The following COG5 variants were observed in gnomAD, a reference collection of about 807,000 sequenced individuals.
COG5 encodes the protein component of oligomeric golgi complex 5.
In COG5, 86 loss-of-function variants were observed where a neutral mutation model predicts 110.4. That is an observed-to-expected ratio of 0.78 (90% CI 0.65 to 0.93). The LOEUF (loss-of-function observed/expected upper bound fraction) is 0.93, where lower values mean the gene tolerates loss of function less well. COG5 is among the 40% of genes least tolerant of loss of function. The pLI, the probability that COG5 is intolerant of heterozygous loss-of-function variation, is 0.00. For missense variants in COG5, 1,077 were observed against 987.0 expected (o/e 1.09, Z -1.22); for synonymous variants, 360 against 334.6 (o/e 1.08, Z -0.83).
At chr7:107,347,884 T>C (rs1309545850) in intron 10 of COG5, among the ~76,000 whole-genome samples, 2 of 152,020 alleles carry the variant, frequency 1.3e-5, no homozygotes, top group Non-Finnish European at 2.9e-5. Flanking sequence ...CCCAGGACTT[T>C]GGGAGGCTGA....
At chr7:107,342,892 A>T (rs911084169) in intron 10 of COG5, among the ~76,000 whole-genome samples, 1 of 152,180 alleles carries the variant, frequency 6.6e-6, no homozygotes, top group Non-Finnish European at 1.5e-5. Flanking sequence ...AAAATAAATC[A>T]TTCTACCAAA....
chr7:107,507,670 T>C (rs971602492), intron 6 of COG5, among the ~76,000 whole-genome samples: 17 of 152,082 alleles, frequency 1.1e-4, no homozygotes, highest in Non-Finnish European at 2.2e-4. Context: ...AAAACATTAA[T>C]TACTTCAGTA....
intron 7 of COG5, among the ~76,000 whole-genome samples, chr7:107,392,418 A>G (rs549584609): frequency 6.6e-6 from 1 of 152,272 alleles, no homozygotes; most frequent in East Asian, 1.9e-4. Flanking sequence ...AAGTATAGAG[A>G]AGTTAAGAGA....
At chr7:107,281,565 CACTTGGAAAAAGT>C (rs1228370653) in intron 13 of COG5, among the ~76,000 whole-genome samples, 166 bp from the exon 14 acceptor site, 1 of 152,118 alleles carries the variant, frequency 6.6e-6, no homozygotes, top group Non-Finnish European at 1.5e-5. Context: ...CTAATTTCAG[CACTTGGAAAAAGT>C]ACCTGGAGAT....
chr7:107,343,303 A>C (rs1811322328), intron 10 of COG5, among the ~76,000 whole-genome samples: 1 of 152,172 alleles, frequency 6.6e-6, no homozygotes, highest in Admixed American at 6.5e-5. Context: ...TATACCCCAA[A>C]TCCCAGCATC....
chr7:107,497,964 G>A, intron 6 of COG5, among the ~76,000 whole-genome samples: 1 of 152,062 alleles, frequency 6.6e-6, no homozygotes, highest in South Asian at 2.1e-4. Flanking sequence ...AGAGTAGAGA[G>A]CCCAGAAATA....
chr7:107,258,213 C>A, intron 15 of COG5, 60 bp downstream of exon 15: 1 of 986,964 alleles, frequency 1.0e-6, no homozygotes, highest in East Asian at 2.5e-5. Flanking sequence ...TGTAAACTGT[C>A]CAAATTTGAG....
At chr7:107,299,122 A>G (rs1002689130) in intron 11 of COG5, among the ~76,000 whole-genome samples, 2 of 152,126 alleles carry the variant, frequency 1.3e-5, no homozygotes, top group Non-Finnish European at 2.9e-5. Context: ...TTTTAAGAAT[A>G]TGGAAAAAGA....
intron 10 of COG5, among the ~76,000 whole-genome samples, chr7:107,339,162 AAAGT>A (rs1810967618): frequency 6.6e-6 from 1 of 152,146 alleles, no homozygotes; most frequent in Non-Finnish European, 1.5e-5. Context: ...CTATCAGCTC[AAAGT>A]AAAGGGTTGG....
intron 8 of COG5, among the ~76,000 whole-genome samples, chr7:107,367,269 T>C (rs2129048171): frequency 6.6e-6 from 1 of 152,072 alleles, no homozygotes; most frequent in African/African-American, 2.4e-5. Flanking sequence ...ACAGTACCCA[T>C]AAAACATTTT....
intron 10 of COG5, among the ~76,000 whole-genome samples, chr7:107,357,845 T>C (rs1812766987): frequency 6.6e-6 from 1 of 152,176 alleles, no homozygotes; most frequent in Admixed American, 6.5e-5. Flanking sequence ...ATTGTTTTAG[T>C]TTTTGTAGAG....
At chr7:107,491,281 G>A (rs964702733) in intron 6 of COG5, among the ~76,000 whole-genome samples, 3 of 152,024 alleles carry the variant, frequency 2.0e-5, no homozygotes, top group African/African-American at 4.8e-5. Context: ...ATCTTCCAAA[G>A]AAGAGATCAA....
At chr7:107,381,953 C>T (rs1330264896) in intron 7 of COG5, among the ~76,000 whole-genome samples, 3 of 152,140 alleles carry the variant, frequency 2.0e-5, no homozygotes, top group Non-Finnish European at 2.9e-5. Context: ...TGTGAGTATT[C>T]TTATGGCAAT....
chr7:107,275,525 T>C (rs935199392), intron 14 of COG5, among the ~76,000 whole-genome samples: 4 of 152,040 alleles, frequency 2.6e-5, no homozygotes, highest in African/African-American at 9.7e-5. Context: ...TCCATGTAGA[T>C]GGCATTAAAA....
chr7:107,340,534 T>G (rs1469831276), intron 10 of COG5, among the ~76,000 whole-genome samples: 1 of 152,066 alleles, frequency 6.6e-6, no homozygotes, highest in Non-Finnish European at 1.5e-5. Flanking sequence ...CATAATATGA[T>G]GCCAGCATCA....
At chr7:107,228,592 A>G (rs1298371555) in intron 19 of COG5, among the ~76,000 whole-genome samples, 3 of 152,182 alleles carry the variant, frequency 2.0e-5, no homozygotes, top group African/African-American at 7.2e-5. Context: ...CATGTTTGGT[A>G]GTGCAGAACT....
chr7:107,374,638 G>T (rs925090449), intron 7 of COG5, among the ~76,000 whole-genome samples: 1 of 151,914 alleles, frequency 6.6e-6, no homozygotes, highest in African/African-American at 2.4e-5. Context: ...TGTTTGAAAA[G>T]GTTACTTCTG....
At chr7:107,352,119 C>T (rs1162002914) in intron 10 of COG5, among the ~76,000 whole-genome samples, 1 of 147,886 alleles carries the variant, frequency 6.8e-6, no homozygotes, top group Non-Finnish European at 1.5e-5. Context: ...CCATGGAATA[C>T]TATGCAGCCA....
chr7:107,354,264 A>G (rs1812431857), intron 10 of COG5, among the ~76,000 whole-genome samples: 1 of 152,208 alleles, frequency 6.6e-6, no homozygotes, highest in Non-Finnish European at 1.5e-5. Flanking sequence ...CAATTAATGT[A>G]CAAGCATATC....
Sources: allele counts gnomAD v4.1 joint callset (sites outside exome capture counted in the v4.1 genomes callset), GRCh38; gene constraint gnomAD v4.1.1; transcripts MANE v1.5; gene names NCBI Gene and HGNC (gene_info 2026-07-23, HGNC 2026-07-21).